The following ASAH2 variants were observed in gnomAD, a reference collection of about 807,000 sequenced individuals.
The protein encoded by ASAH2 is N-acylsphingosine amidohydrolase 2.
ASAH2 carries 58 observed loss-of-function variants against 82.9 expected under a neutral mutation model. That is an observed-to-expected ratio of 0.70 (90% confidence interval 0.57 to 0.87). The LOEUF is 0.87. ASAH2 is among the 40% of genes least tolerant of loss of function. The pLI, the probability that ASAH2 is intolerant of heterozygous loss-of-function variation, is 0.00. For missense variants in ASAH2, 779 were observed against 834.0 expected, an observed-to-expected ratio of 0.93 and a Z score of 0.81; for synonymous variants, 276 against 289.7, an observed-to-expected ratio of 0.95 and a Z score of 0.48.
At chr10:50,227,870 G>A (rs1845930345) in intron 7 of ASAH2, among the ~76,000 whole-genome samples, 1 of 152,150 alleles carries the variant, frequency 6.6e-6, no homozygotes, top group East Asian at 1.9e-4. Context: ...GGGGAGAGGG[G>A]TGAACCTGAC....
At chr10:50,236,569 G>C (rs1442844560) in intron 4 of ASAH2, among the ~76,000 whole-genome samples, 1 of 152,012 alleles carries the variant, frequency 6.6e-6, no homozygotes, top group Non-Finnish European at 1.5e-5. Flanking sequence ...GCCCCTCACT[G>C]TATGTTTGAG....
intron 17 of ASAH2, 140 bp downstream of exon 17, chr10:50,198,911 G>A: frequency 1.1e-6 from 1 of 899,910 alleles, no homozygotes; most frequent in South Asian, 1.4e-5. Flanking sequence ...TATAAAGGTT[G>A]TCAAACTGAA....
intron 7 of ASAH2, among the ~76,000 whole-genome samples, chr10:50,229,293 A>G (rs1400500312): frequency 1.3e-5 from 2 of 152,128 alleles, no homozygotes; most frequent in Non-Finnish European, 2.9e-5. Flanking sequence ...ACAATTCAGA[A>G]CATCCACAAC....
intron 6 of ASAH2, among the ~76,000 whole-genome samples, 188 bp downstream of exon 6, chr10:50,234,237 T>A (rs1017370674): frequency 6.6e-6 from 1 of 152,078 alleles, no homozygotes; most frequent in African/African-American, 2.4e-5. Context: ...ATTAATAAAT[T>A]GGTGTTTGTT....
At chr10:50,217,694 G>A (rs891402113) in intron 8 of ASAH2, among the ~76,000 whole-genome samples, 10 of 152,084 alleles carry the variant, frequency 6.6e-5, no homozygotes, top group Admixed American at 3.3e-4. Flanking sequence ...AAATTACCCA[G>A]TCTCAGTTAT....
At chr10:50,231,495 C>G (rs1028577097) in intron 7 of ASAH2, among the ~76,000 whole-genome samples, 2 of 152,128 alleles carry the variant, frequency 1.3e-5, no homozygotes, top group Admixed American at 6.6e-5. Flanking sequence ...TCATCTGATT[C>G]ATGTTATGGT....
intron 16 of ASAH2, 33 bp from the exon 17 acceptor site, chr10:50,199,179 T>C: frequency 6.2e-7 from 1 of 1,609,684 alleles, no homozygotes. Context: ...TGTATATGGT[T>C]CTGCTTATTT....
Position 50,212,965 on chromosome 10 carries a change from G to A in ASAH2, c.1227+7C>T, listed in dbSNP as rs1258454451. 1.9e-6 allele frequency: 3 copies of A among 1,612,406 alleles called. No individual in the cohort carries two copies. The African/African-American group carries it at 4.0e-5, about 22-fold the overall frequency. ...CAAAGATTAAAGGAGCGAGGCCCAT[G>A]GCTTACCTTTGCTCTCTGATACATG... On this transcript the variant is annotated splice_region_variant and intron_variant, in intron 10 of 20. Transcript: ENST00000682911.
Position 50,205,001 on chromosome 10 carries a change from C to T in ASAH2, c.1531-46G>A, listed in dbSNP as rs887153906. ...AATTATGTTAGGGATAACACTCTCT[C>T]TATGGTCAACAGACATATAGTGGTC... On this transcript the variant is annotated intron_variant, in intron 13 of 20. Coordinates refer to ENST00000682911, the MANE Select transcript of ASAH2 (RefSeq NM_019893.4). 6 of 1,342,302 alleles carry T rather than the reference C, an allele frequency of 4.5e-6. No homozygotes were observed. The African/African-American group carries it at 8.7e-5, about 20-fold the overall frequency. The allele number at this position is 1,342,302 out of a possible 1,614,324, so 83.1% of individuals were successfully genotyped here.
chr10:50,221,445 T>G (rs1183467839), intron 7 of ASAH2, among the ~76,000 whole-genome samples: 1 of 152,222 alleles, frequency 6.6e-6, no homozygotes, highest in Non-Finnish European at 1.5e-5. Flanking sequence ...TGACATTATT[T>G]AGCTCTTATT....
chr10:50,202,247 A>C (rs1845168529), intron 16 of ASAH2, among the ~76,000 whole-genome samples: 2 of 152,050 alleles, frequency 1.3e-5, no homozygotes, highest in South Asian at 4.1e-4. Context: ...AGAAATTATT[A>C]ATTATGAGAC....
At chr10:50,193,557 G>C (rs1413007987) in intron 18 of ASAH2, among the ~76,000 whole-genome samples, 3 of 151,578 alleles carry the variant, frequency 2.0e-5, no homozygotes, top group African/African-American at 4.8e-5. Flanking sequence ...AGAGAGTTGT[G>C]ACAAGATTCT....
At chr10:50,225,651 T>C (rs1845862565) in intron 7 of ASAH2, among the ~76,000 whole-genome samples, 1 of 152,114 alleles carries the variant, frequency 6.6e-6, no homozygotes, top group Non-Finnish European at 1.5e-5. Context: ...CTGCTCAAGT[T>C]TGAGTAATGG....
At position 50,235,955 on chromosome 10, in the gene ASAH2, A is replaced by G. The variant is rs1846148381; in HGVS notation, c.620T>C (p.Val207Ala). Residue 207 changes from valine (V) to alanine (A), a missense_variant, in exon 5 of 21, where the codon GTG becomes GCG. Val to Ala is a moderately conservative substitution (Grantham distance 64). Coordinates refer to ENST00000682911, the MANE Select transcript of ASAH2 (RefSeq NM_019893.4). ...AAATCCTTCACTGGCAATTACAAACACGGTATACTGGAAATATCCTGCAGG... is the reference window on the plus strand; with the variant it reads ...AAATCCTTCACTGGCAATTACAAACGCGGTATACTGGAAATATCCTGCAGG... ...SGPAGYFQYT[V>A]FVIASEGFSN... 6.2e-7 allele frequency: 1 copy of G among 1,613,378 alleles called. No homozygotes were observed. The highest frequency in any genetic ancestry group is 8.5e-7 in the Non-Finnish European group (1 of 1,179,528).
intron 2 of ASAH2, among the ~76,000 whole-genome samples, chr10:50,246,306 T>A (rs1177079434): frequency 6.6e-6 from 1 of 152,224 alleles, no homozygotes; most frequent in East Asian, 1.9e-4. Flanking sequence ...AATAATATCC[T>A]GCTTCCTGGG....
At position 50,234,493 on chromosome 10, in the gene ASAH2, A is replaced by T. The variant is rs371623797; in HGVS notation, c.747T>A (p.Asn249Lys). The part of the protein sequence containing the change: ...KPGKIFINKG[N>K]VDGVQINRSP... ...TTCTGTTGATCTGCACACCATCCACATTTCCTTTATTGATGAAGATTTTGC... is the reference window on the plus strand; with the variant it reads ...TTCTGTTGATCTGCACACCATCCACTTTTCCTTTATTGATGAAGATTTTGC... The change falls in exon 6 of 21, where the codon AAT (asparagine) becomes AAA (lysine). Residue 249 changes from asparagine to lysine, a missense_variant. By Grantham distance (94) the Asn-to-Lys change is moderately conservative. Transcript: ENST00000682911. 1 of 1,612,876 alleles carries T rather than the reference A, an allele frequency of 6.2e-7. No homozygotes were observed. Among genetic ancestry groups the T allele is most frequent in the Non-Finnish European group, 8.5e-7 (1 of 1,179,258 alleles).
At chr10:50,236,268 G>A (rs1265807103) in intron 4 of ASAH2, among the ~76,000 whole-genome samples, 1 of 152,102 alleles carries the variant, frequency 6.6e-6, no homozygotes, top group Non-Finnish European at 1.5e-5. Flanking sequence ...CATGACTGGG[G>A]AGGCCTCAGG....
chr10:50,211,074 C>T lies in ASAH2; in HGVS notation c.1288G>A (p.Val430Met), dbSNP rs1845443273. The part of the protein sequence containing the change: ...TGPLASAHQW[V>M]DMTDVTVWLN... ...CAGACAGTCACATCTGTCATATCCA[C>T]CCACTGGTGTGCTGAAGCCAGTGGT... The change falls in exon 11 of 21, where the codon GTG (valine) becomes ATG (methionine). Residue 430 changes from valine (V) to methionine (M), a missense_variant. By Grantham distance (21) the Val-to-Met change is conservative. Coordinates refer to ENST00000682911, the MANE Select transcript of ASAH2 (RefSeq NM_019893.4). 6.2e-7 allele frequency: 1 copy of T among 1,613,782 alleles called. No homozygotes were observed.
chr10:50,222,980 T>C (rs1220815741), intron 7 of ASAH2, among the ~76,000 whole-genome samples: 3 of 152,182 alleles, frequency 2.0e-5, no homozygotes, highest in South Asian at 4.1e-4. Context: ...TTTTAAATAA[T>C]GCTTATGTCA....
Sources: gnomAD v4.1 joint callset for allele counts (sites outside exome capture counted in the v4.1 genomes callset) on GRCh38, gnomAD v4.1.1 for gene constraint, MANE v1.5 for transcripts, NCBI Gene and HGNC (gene_info 2026-07-23, HGNC 2026-07-21) for gene names.